The following ZBBX variants were observed in gnomAD, a reference collection of about 807,000 sequenced individuals.
The protein encoded by ZBBX is zinc finger B-box domain containing.
A neutral mutation model predicts 108.5 loss-of-function variants in ZBBX; 101 were observed. The ratio of observed to expected loss-of-function variants is 0.93; its 90% confidence interval spans 0.79 to 1.10. The LOEUF is 1.10. Ranked by LOEUF, ZBBX falls within the 50% of genes least tolerant of loss-of-function variation. The probability of loss-of-function intolerance (pLI) is 0.00; values close to 1 mark genes in which losing one functional copy is unlikely to be tolerated. For missense variants in ZBBX, 1,009 were observed against 941.4 expected (o/e 1.07, Z -0.94); for synonymous variants, 356 against 323.4 (o/e 1.10, Z -1.08).
chr3:167,224,140 C>T, the ZBBX span, among the ~76,000 whole-genome samples: 1 of 151,882 alleles, frequency 6.6e-6, no homozygotes, highest in Admixed American at 6.6e-5. Context: ...GATTTGTTTC[C>T]CAGTAAGCCT....
the ZBBX span, among the ~76,000 whole-genome samples, chr3:167,199,123 G>A: frequency 1.3e-5 from 2 of 152,276 alleles, no homozygotes; most frequent in Admixed American, 1.3e-4. Flanking sequence ...AGAAGCAGGA[G>A]AAGCATTAAA....
intron 3 of ZBBX, among the ~76,000 whole-genome samples, chr3:167,373,203 T>C (rs1300724182): frequency 6.6e-6 from 1 of 152,158 alleles, no homozygotes; most frequent in Admixed American, 6.5e-5. Flanking sequence ...TATACTGTAT[T>C]AAGTATTATA....
intron 19 of ZBBX, among the ~76,000 whole-genome samples, chr3:167,284,683 G>C (rs983179847): frequency 3.9e-5 from 6 of 152,070 alleles, no homozygotes; most frequent in African/African-American, 1.2e-4. Flanking sequence ...GTACACAAAG[G>C]ACAGGTCAGA....
chr3:167,222,904 A>T, the ZBBX span, among the ~76,000 whole-genome samples: 1 of 150,316 alleles, frequency 6.7e-6, no homozygotes, highest in Non-Finnish European at 1.5e-5. Flanking sequence ...ATTTAACAAC[A>T]ATGTGTCGTA....
chr3:167,404,520 T>A (rs888904096), intron 1 of ZBBX, among the ~76,000 whole-genome samples: 18 of 133,310 alleles, frequency 1.4e-4, no homozygotes, highest in Admixed American at 3.6e-4. Flanking sequence ...AAACCCTAAA[T>A]CCACTCTTCA....
chr3:167,355,547 C>A (rs1021711426), intron 8 of ZBBX, among the ~76,000 whole-genome samples: 5 of 151,436 alleles, frequency 3.3e-5, no homozygotes, highest in African/African-American at 1.2e-4. Flanking sequence ...ATATCTATAT[C>A]TATATACATA....
In ZBBX at chr3:167,288,865, A is replaced by T. The variant is rs1560076775; in HGVS notation, c.1996+2T>A. 1 of 1,527,700 alleles carries T rather than the reference A, an allele frequency of 6.5e-7. No individual in the cohort carries two copies. Among genetic ancestry groups the T allele is most frequent in the Non-Finnish European group, 8.8e-7 (1 of 1,131,878 alleles). The allele number at this position is 1,527,700 out of a possible 1,614,324, so 94.6% of individuals were successfully genotyped here. ...GCACTGCTGCCTTTGAGTCAATGTT[A>T]CCCATCTTTTGCTGTTTTCTACTTG... On this transcript the variant is annotated splice_donor_variant, in intron 19 of 21. Transcript: ENST00000675490. LOFTEE classifies it high-confidence loss of function.
the ZBBX span, among the ~76,000 whole-genome samples, chr3:167,190,338 A>G: frequency 6.6e-6 from 1 of 152,050 alleles, no homozygotes; most frequent in Admixed American, 6.6e-5. Flanking sequence ...AAATAATATA[A>G]AATACATAAC....
chr3:167,294,424 A>G (rs567045642), intron 18 of ZBBX, among the ~76,000 whole-genome samples: 12 of 151,974 alleles, frequency 7.9e-5, no homozygotes, highest in Non-Finnish European at 1.5e-4. Flanking sequence ...TTTGACAGAC[A>G]TGGCAAAAAC....
At chr3:167,276,751 A>T (rs577594931) in intron 20 of ZBBX, among the ~76,000 whole-genome samples, 1 of 152,300 alleles carries the variant, frequency 6.6e-6, no homozygotes, top group South Asian at 2.1e-4. Context: ...GAACGCCACA[A>T]AGATATTCCT....
In ZBBX at chr3:167,368,456, C is replaced by T. The variant is rs574968143; in HGVS notation, c.182+5G>A. 77 of 1,590,160 alleles carry T rather than the reference C, an allele frequency of 4.8e-5. 1 individual carries two copies. The South Asian group carries it at 5.8e-4, about 12-fold the overall frequency. On this transcript the variant is annotated splice_donor_5th_base_variant and intron_variant, in intron 5 of 21. Transcript: ENST00000675490. ...CATCTAAAATTCTCTAAGAGTTTCA[C>T]TCACTCTCTATCTTCCTTTTCTTTG...
At chr3:167,378,109 G>T (rs1747251012) in intron 2 of ZBBX, among the ~76,000 whole-genome samples, 1 of 152,180 alleles carries the variant, frequency 6.6e-6, no homozygotes, top group Admixed American at 6.5e-5. Flanking sequence ...CAGCCCTGCA[G>T]AACTGTGAAT....
At chr3:167,266,472 G>T (rs530868129) in intron 20 of ZBBX, among the ~76,000 whole-genome samples, 15 of 152,038 alleles carry the variant, frequency 9.9e-5, no homozygotes, top group African/African-American at 3.6e-4. Context: ...TCTTCCCTTG[G>T]TTACCTGTAC....
chr3:167,317,128 A>C (rs1421443296), intron 13 of ZBBX, 23 bp from the exon 14 acceptor site: 1 of 1,408,974 alleles, frequency 7.1e-7, no homozygotes, highest in Non-Finnish European at 1.0e-6. Flanking sequence ...ATTCACAAAT[A>C]ATATCATCAA....
the ZBBX span, among the ~76,000 whole-genome samples, chr3:167,188,922 A>AT: frequency 6.6e-6 from 1 of 152,168 alleles, no homozygotes; most frequent in Non-Finnish European, 1.5e-5. Flanking sequence ...AAACCCTGAG[A>AT]TTTAAAAAGA....
At chr3:167,251,563 G>A (rs62279765) in intron 20 of ZBBX, among the ~76,000 whole-genome samples, 38,831 of 151,958 alleles carry the variant, frequency 0.26, 6,168 homozygotes, top group East Asian at 0.65. Flanking sequence ...GATCCTTTCC[G>A]GTATCAAAAG....
At chr3:167,346,383 G>A (rs1437541307) in intron 9 of ZBBX, among the ~76,000 whole-genome samples, 3 of 151,790 alleles carry the variant, frequency 2.0e-5, no homozygotes, top group Non-Finnish European at 4.4e-5. Flanking sequence ...GTAAATATTT[G>A]CCTTCAATTT....
the ZBBX span, among the ~76,000 whole-genome samples, chr3:167,217,655 A>T: frequency 6.6e-6 from 1 of 152,154 alleles, no homozygotes; most frequent in Non-Finnish European, 1.5e-5. Flanking sequence ...ATAAACACAC[A>T]TGCACGTGAA....
At chr3:167,210,156 C>T in the ZBBX span, among the ~76,000 whole-genome samples, 2 of 151,864 alleles carry the variant, frequency 1.3e-5, no homozygotes, top group African/African-American at 4.8e-5. Context: ...TTCAAGATAA[C>T]ACAGAGAAGG....
Sources: allele counts gnomAD v4.1 joint callset (sites outside exome capture counted in the v4.1 genomes callset), GRCh38; gene constraint gnomAD v4.1.1; transcripts MANE v1.5; gene names NCBI Gene and HGNC (gene_info 2026-07-23, HGNC 2026-07-21).